WDR49: variants seen among roughly 807,000 people sequenced by gnomAD.
WDR49 encodes cilia- and flagella-associated protein 337.
A neutral mutation model predicts 119.5 loss-of-function variants in WDR49; 107 were observed. That is an observed-to-expected ratio of 0.90 (90% CI 0.77 to 1.05). The LOEUF (loss-of-function observed/expected upper bound fraction) is 1.05, where lower values mean the gene tolerates loss of function less well. Ranked by LOEUF, WDR49 falls within the 50% of genes least tolerant of loss-of-function variation. WDR49 has a pLI of 0.00. For synonymous variants in WDR49, 425 were observed against 418.8 expected (o/e 1.01, Z -0.18); for missense variants, 1,240 against 1,220.5 (o/e 1.02, Z -0.24).
In WDR49 at chr3:167,527,920, A is replaced by G. The variant is rs376580375; in HGVS notation, c.2504T>C (p.Met835Thr). The G allele has an allele frequency of 3.7e-6, 6 of 1,613,188 alleles. No homozygotes were observed. Among genetic ancestry groups the G allele is most frequent in the Admixed American group, 1.7e-5 (1 of 59,836 alleles). ...CAGTAACTGACCACCTGGCTCACAC[A>G]TCTCTAAGGAACTTATTCGGTCCTC... ...PHEDRISSLE[M>T]CEPGGQLLII... Residue 835 changes from methionine to threonine, a missense_variant, in exon 15 of 19, where the codon ATG (methionine) becomes ACG (threonine). Met to Thr is a moderately conservative substitution (Grantham distance 81, BLOSUM62 -1). Coordinates refer to ENST00000682715, the MANE Select transcript of WDR49 (RefSeq NM_001366157.1).
intron 5 of WDR49, 109 bp downstream of exon 5, chr3:167,620,320 A>G: frequency 8.5e-7 from 1 of 1,170,258 alleles, no homozygotes; most frequent in Admixed American, 3.1e-5. Flanking sequence ...CAGAGAACCA[A>G]TTATTGGTTT....
At chr3:167,654,029 A>G (rs1718506818), upstream of WDR49, 1 of 152,090 alleles carries the variant, frequency 6.6e-6, no homozygotes, top group African/African-American at 2.4e-5. Flanking sequence ...GCCAACTAAA[A>G]CTTTCCCTTT....
At chr3:167,572,751 G>C (rs1577248712) in intron 8 of WDR49, among the ~76,000 whole-genome samples, 1 of 152,162 alleles carries the variant, frequency 6.6e-6, no homozygotes, top group African/African-American at 2.4e-5. Context: ...TAAAAAATGC[G>C]ACCAATGCTC....
In WDR49 at chr3:167,532,866, A is replaced by G. The variant is rs1272280447; in HGVS notation, c.2053+13T>C. On this transcript the variant is annotated intron_variant, in intron 12 of 18. Transcript: ENST00000682715. Reference sequence around the variant, plus strand: ...GACTAGCCATGTTATTTTCGTTTCAAACTCACACTTACCTAATTTTGACTT... The same window carrying G: ...GACTAGCCATGTTATTTTCGTTTCAGACTCACACTTACCTAATTTTGACTT... The G allele has an allele frequency of 4.4e-6, 7 of 1,601,888 alleles. No homozygotes were observed. The highest frequency in any genetic ancestry group is 1.3e-5 in the African/African-American group (1 of 74,748).
At chr3:167,553,712 T>G (rs1209901894) in intron 10 of WDR49, among the ~76,000 whole-genome samples, 2 of 152,086 alleles carry the variant, frequency 1.3e-5, no homozygotes, top group Non-Finnish European at 2.9e-5. Flanking sequence ...TTCAGAGATG[T>G]GAAGTCTTGT....
intron 2 of WDR49, among the ~76,000 whole-genome samples, chr3:167,630,131 G>A (rs985019006): frequency 9.2e-5 from 14 of 152,092 alleles, no homozygotes; most frequent in East Asian, 3.9e-4. Context: ...TTCATGAAAG[G>A]AAGAATCCAT....
chr3:167,521,969 G>GAT (rs1366318256), intron 16 of WDR49, among the ~76,000 whole-genome samples: 1 of 79,978 alleles, frequency 1.3e-5, no homozygotes, highest in Non-Finnish European at 2.9e-5. Context: ...TTCTAAGATA[G>GAT]ATAGATAGAT....
rs1163367023 is a variant in WDR49 at position 167,590,993 on chromosome 3, A to G, written c.1275+11134T>C. Among the ~76,000 whole-genome samples the G allele has an allele frequency of 2.0e-5, 3 of 151,560 alleles. No individual in the cohort carries two copies. The East Asian group carries it at 5.8e-4, about 29-fold the overall frequency. On this transcript the variant is annotated intron_variant, in intron 7 of 18. Coordinates refer to ENST00000682715, the MANE Select transcript of WDR49 (RefSeq NM_001366157.1). Reference sequence around the variant, plus strand: ...TTTGGTTTGTTTTTTGAATTCTTTAAGAGGCACCATTAGGTTGTTTATTTG... The same window carrying G: ...TTTGGTTTGTTTTTTGAATTCTTTAGGAGGCACCATTAGGTTGTTTATTTG...
At chr3:167,572,865 A>G (rs147666114) in intron 8 of WDR49, among the ~76,000 whole-genome samples, 247 of 152,316 alleles carry the variant, frequency 1.6e-3, no homozygotes, top group South Asian at 0.014. Context: ...ACGAAACTGC[A>G]ATGGCGAAGA....
intron 7 of WDR49, among the ~76,000 whole-genome samples, chr3:167,576,532 T>C (rs913344488): frequency 6.6e-6 from 1 of 152,160 alleles, no homozygotes; most frequent in Non-Finnish European, 1.5e-5. Context: ...TTAGGGACTT[T>C]GAGATGGTGA....
At position 167,620,463 on chromosome 3, in the gene WDR49, C is replaced by T. The variant is rs910971233; in HGVS notation, c.924G>A (p.Glu308=). 1.3e-6 allele frequency: 2 copies of T among 1,535,796 alleles called. No homozygotes were observed. Among genetic ancestry groups the T allele is most frequent in the East Asian group, 2.4e-5 (1 of 40,908 alleles). The change falls in exon 5 of 19, where the codon GAG becomes GAA. Residue 308 remains glutamate, a synonymous_variant. Coordinates refer to ENST00000682715, the MANE Select transcript of WDR49 (RefSeq NM_001366157.1). ...SGCHKCCHIL[E]HKLHQGDWVR... is the part of the protein sequence containing the mutation. ...CCCAATCTCCTTGATGAAGTTTATG[C>T]TCTAATATATGGCAACATTTGTGAC... is the stretch of plus-strand genomic sequence containing the variant.
chr3:167,601,187 G>C (rs1315713123), intron 7 of WDR49, among the ~76,000 whole-genome samples: 1 of 152,192 alleles, frequency 6.6e-6, no homozygotes, highest in Non-Finnish European at 1.5e-5. Flanking sequence ...AAAATCAACA[G>C]AAATTGGCAG....
chr3:167,617,977 C>T (rs185006084), intron 5 of WDR49, among the ~76,000 whole-genome samples: 4 of 152,292 alleles, frequency 2.6e-5, no homozygotes, highest in South Asian at 2.1e-4. Context: ...AAGCCTTCGA[C>T]GTTTCACGGC....
intron 10 of WDR49, among the ~76,000 whole-genome samples, chr3:167,544,181 G>A (rs908092948): frequency 5.3e-5 from 8 of 151,812 alleles, no homozygotes; most frequent in African/African-American, 1.9e-4. Context: ...ACAAACAAAT[G>A]GAAACACATC....
chr3:167,652,849 A>G (rs1350966733), intron 2 of WDR49, among the ~76,000 whole-genome samples: 3 of 152,136 alleles, frequency 2.0e-5, no homozygotes, highest in African/African-American at 7.2e-5. Context: ...CAAACTGGGT[A>G]TGCATATTTG....
At chr3:167,519,150 G>A (rs1752330156) in intron 16 of WDR49, among the ~76,000 whole-genome samples, 1 of 152,120 alleles carries the variant, frequency 6.6e-6, no homozygotes, top group African/African-American at 2.4e-5. Flanking sequence ...GCTGCAGAGA[G>A]ATACGAATGC....
rs189961601 is a variant in WDR49, at chr3:167,582,507, T to A, written c.1276-6356A>T. On this transcript the variant is annotated intron_variant, in intron 7 of 18. Coordinates refer to ENST00000682715, the MANE Select transcript of WDR49 (RefSeq NM_001366157.1). ...ACTATTATAATAGTTATACTATTTT[T>A]TTTTAGTTCTCTTCAACAGAAATGA... Among the ~76,000 whole-genome samples the A allele has an allele frequency of 2.7e-3, 413 of 152,310 alleles. 3 individuals carry two copies. The highest frequency in any genetic ancestry group is 9.8e-3 in the African/African-American group (408 of 41,558).
intron 5 of WDR49, among the ~76,000 whole-genome samples, chr3:167,612,216 A>G (rs1716372284): frequency 6.6e-6 from 1 of 152,204 alleles, no homozygotes; most frequent in Non-Finnish European, 1.5e-5. Context: ...AAATTAAACA[A>G]TAGTCTCTTG....
At chr3:167,582,249 C>G (rs1714572789) in intron 7 of WDR49, among the ~76,000 whole-genome samples, 1 of 152,014 alleles carries the variant, frequency 6.6e-6, no homozygotes, top group Non-Finnish European at 1.5e-5. Context: ...CTCAGTAATC[C>G]ACAAAAGCAT....
Sources: allele counts gnomAD v4.1 joint callset (sites outside exome capture counted in the v4.1 genomes callset), GRCh38; gene constraint gnomAD v4.1.1; transcripts MANE v1.5; gene names NCBI Gene and HGNC (gene_info 2026-07-23, HGNC 2026-07-21).